MIA2: variants seen among roughly 807,000 people sequenced by gnomAD.
MIA2 encodes melanoma inhibitory activity protein 2.
Under a neutral mutation model 167.8 loss-of-function variants are expected in MIA2, and 127 were observed. That is an observed-to-expected ratio of 0.76 (90% CI 0.66 to 0.88). The LOEUF (loss-of-function observed/expected upper bound fraction) is 0.88, where lower values mean the gene tolerates loss of function less well. MIA2 is among the 40% of genes least tolerant of loss of function. MIA2 has a pLI of 0.00. For synonymous variants in MIA2, 552 were observed against 541.9 expected (o/e 1.02, Z -0.26); for missense variants, 1,690 against 1,624.7 (o/e 1.04, Z -0.69).
At chr14:39,245,306 C>T (rs1257755035) in intron 3 of MIA2, among the ~76,000 whole-genome samples, 1 of 152,078 alleles carries the variant, frequency 6.6e-6, no homozygotes, top group Non-Finnish European at 1.5e-5. Context: ...TTTGGTTTCC[C>T]TGGGCCACCC....
intron 6 of MIA2, among the ~76,000 whole-genome samples, chr14:39,258,776 G>A (rs936082588): frequency 1.3e-5 from 2 of 152,092 alleles, no homozygotes; most frequent in Non-Finnish European, 1.5e-5. Context: ...TTTTGTGTGG[G>A]GGTCCTTTAT....
rs1381114443 is a variant in MIA2 at position 39,267,326 on chromosome 14, G to A, written c.1888-9608G>A. ...CTGTCCCCCAGCTCCCCCCGCAGCC[G>A]GCTCCGCAGTGGTCCACTCCGGTTG... On this transcript the variant is annotated intron_variant, in intron 6 of 28. Coordinates refer to ENST00000640607, the MANE Select transcript of MIA2 (RefSeq NM_001329214.4). The A allele has an allele frequency of 4.0e-6, 6 of 1,518,094 alleles. No homozygotes were observed. In the African/African-American group the frequency reaches 8.4e-5, roughly 21 times the overall value. The allele number at this position is 1,518,094 out of a possible 1,614,324, so 94.0% of individuals were successfully genotyped here.
chr14:39,238,749 G>A (rs897624970), intron 2 of MIA2, among the ~76,000 whole-genome samples: 1 of 128,130 alleles, frequency 7.8e-6, no homozygotes, highest in Admixed American at 9.2e-5. Context: ...AACCATGATT[G>A]TACCACTGCA....
At chr14:39,351,464 G>A (rs1390070281), downstream of MIA2, 1 of 151,982 alleles carries the variant, frequency 6.6e-6, no homozygotes, top group African/African-American at 2.4e-5. Context: ...TGAAGACTGT[G>A]AAAATGTAAT....
At chr14:39,298,140 C>T (rs2061695120) in intron 13 of MIA2, among the ~76,000 whole-genome samples, 1 of 151,876 alleles carries the variant, frequency 6.6e-6, no homozygotes, top group Non-Finnish European at 1.5e-5. Context: ...ATGTTATGAT[C>T]AAAAGTGGCC....
Position 39,279,542 on chromosome 14 carries a change from G to A in MIA2, c.2130+5G>A, listed in dbSNP as rs750623613. The A allele has an allele frequency of 6.4e-7, 1 of 1,554,876 alleles. No individual in the cohort carries two copies. Among genetic ancestry groups the A allele is most frequent in the Non-Finnish European group, 8.8e-7 (1 of 1,137,962 alleles). On this transcript the variant is annotated splice_donor_5th_base_variant and intron_variant, in intron 9 of 28. Transcript: ENST00000640607. ...TTTAGCCTTGTTCAAAAAGAGGTAA[G>A]ATATTTTTGAAAATAATATTCATGT...
chr14:39,234,298 G>T, intron 1 of MIA2, 69 bp downstream of exon 1: 1 of 924,006 alleles, frequency 1.1e-6, no homozygotes, highest in South Asian at 1.6e-5. Flanking sequence ...ATCTTATTGT[G>T]GTCACGCATG....
intron 25 of MIA2, among the ~76,000 whole-genome samples, chr14:39,330,590 G>A (rs1171326073): frequency 6.6e-6 from 1 of 152,148 alleles, no homozygotes; most frequent in African/African-American, 2.4e-5. Flanking sequence ...TTGATCTCCT[G>A]TGGGTATTTT....
intron 23 of MIA2, among the ~76,000 whole-genome samples, chr14:39,369,657 G>T (rs935905899): frequency 2.0e-5 from 3 of 152,152 alleles, no homozygotes; most frequent in East Asian, 1.9e-4. Flanking sequence ...ACTGTTATGG[G>T]ATTTCAGTCA....
intron 23 of MIA2, among the ~76,000 whole-genome samples, chr14:39,361,076 G>C (rs376625603): frequency 6.6e-6 from 1 of 152,172 alleles, no homozygotes; most frequent in Non-Finnish European, 1.5e-5. Flanking sequence ...TTTGAAGTCA[G>C]ATAATGTGAT....
At chr14:39,382,098 CA>C (rs2075177107) in intron 23 of MIA2, among the ~76,000 whole-genome samples, 1 of 152,166 alleles carries the variant, frequency 6.6e-6, no homozygotes, top group Non-Finnish European at 1.5e-5. Context: ...GCTGAAACTC[CA>C]GAAAGATACT....
chr14:39,236,478 T>C (rs762500522), intron 1 of MIA2, among the ~76,000 whole-genome samples: 15 of 152,150 alleles, frequency 9.9e-5, no homozygotes, highest in African/African-American at 3.4e-4. Context: ...GAGATGAAAT[T>C]ATTTACCTCA....
intron 6 of MIA2, chr14:39,266,338 T>G (rs2055627325): frequency 5.1e-6 from 5 of 985,248 alleles, no homozygotes; most frequent in South Asian, 9.4e-5. Context: ...ACTTGGCACT[T>G]TATTCGACGG....
intron 25 of MIA2, among the ~76,000 whole-genome samples, chr14:39,332,371 C>G (rs2069110721): frequency 1.3e-5 from 2 of 152,078 alleles, no homozygotes; most frequent in Non-Finnish European, 2.9e-5. Context: ...TCTTAGCTTC[C>G]TTGCATTAGG....
intron 1 of MIA2, 34 bp downstream of exon 1, chr14:39,234,263 A>C: frequency 7.4e-7 from 1 of 1,353,578 alleles, no homozygotes; most frequent in Admixed American, 1.8e-5. Context: ...TCTCCTCCTA[A>C]ATTGAGGCTC....
chr14:39,302,632 C>T (rs2062708484), intron 15 of MIA2, among the ~76,000 whole-genome samples: 1 of 152,240 alleles, frequency 6.6e-6, no homozygotes, highest in East Asian at 1.9e-4. Context: ...CTTCAGGATA[C>T]TTCTTTTGCT....
At chr14:39,286,254 C>T (rs1340291825) in intron 9 of MIA2, among the ~76,000 whole-genome samples, 2 of 152,220 alleles carry the variant, frequency 1.3e-5, no homozygotes, top group South Asian at 2.1e-4. Context: ...ACCAGCCCGG[C>T]CAACACAGTG....
chr14:39,263,210 G>T (rs1178459725), intron 6 of MIA2, among the ~76,000 whole-genome samples: 1 of 152,094 alleles, frequency 6.6e-6, no homozygotes. Flanking sequence ...AGTTTATTGA[G>T]AGTTTTTAGC....
intron 6 of MIA2, chr14:39,267,127 C>T (rs759861554): frequency 6.0e-5 from 69 of 1,148,816 alleles, no homozygotes; most frequent in Non-Finnish European, 7.1e-5. Flanking sequence ...CTGTCCGCGC[C>T]TCCCCGCCTT....
Sources: gnomAD v4.1 joint callset for allele counts (sites outside exome capture counted in the v4.1 genomes callset) on GRCh38, gnomAD v4.1.1 for gene constraint, MANE v1.5 for transcripts, NCBI Gene and HGNC (gene_info 2026-07-23, HGNC 2026-07-21) for gene names.